The following HEPACAM2 variants were observed in gnomAD, a reference collection of about 807,000 sequenced individuals.
The protein encoded by HEPACAM2 is HEPACAM family member 2.
HEPACAM2 carries 49 observed loss-of-function variants against 49.6 expected under a neutral mutation model. The observed-to-expected ratio is 0.99, with a 90% confidence interval of 0.78 to 1.25. The LOEUF (loss-of-function observed/expected upper bound fraction) is 1.25. HEPACAM2 is among the 50% of genes most tolerant of loss of function. HEPACAM2 has a pLI of 0.00. For synonymous variants in HEPACAM2, 197 were observed against 202.9 expected (o/e 0.97, Z 0.25); for missense variants, 525 against 557.2 (o/e 0.94, Z 0.58).
chr7:93,216,543 A>G (rs1794311768), intron 2 of HEPACAM2, among the ~76,000 whole-genome samples: 1 of 152,238 alleles, frequency 6.6e-6, no homozygotes, highest in Admixed American at 6.5e-5. Context: ...AAGTTGATGG[A>G]TTATATAAGC....
intron 2 of HEPACAM2, 59 bp downstream of exon 2, chr7:93,219,042 T>C (rs1794382954): frequency 6.8e-7 from 1 of 1,477,928 alleles, no homozygotes. Context: ...TTTAGTCTCC[T>C]GAGCCTTTGC....
chr7:93,208,333 T>C (rs1286354466), intron 4 of HEPACAM2, among the ~76,000 whole-genome samples: 1 of 152,052 alleles, frequency 6.6e-6, no homozygotes, highest in Non-Finnish European at 1.5e-5. Context: ...TAGAAGTAAT[T>C]TGTGGAATTC....
intron 3 of HEPACAM2, among the ~76,000 whole-genome samples, chr7:93,210,899 G>T (rs1054817618): frequency 2.6e-5 from 4 of 151,914 alleles, no homozygotes; most frequent in East Asian, 1.9e-4. Context: ...CAGGTTAGAG[G>T]ACTGATTGCC....
chr7:93,229,883 A>G (rs1420179472), upstream of HEPACAM2, among the ~76,000 whole-genome samples: 3 of 152,226 alleles, frequency 2.0e-5, no homozygotes, highest in African/African-American at 7.2e-5. Flanking sequence ...ACAGATAGAA[A>G]TGAATAACGT....
intron 1 of HEPACAM2, among the ~76,000 whole-genome samples, chr7:93,220,927 A>G (rs1794437005): frequency 6.6e-6 from 1 of 152,214 alleles, no homozygotes; most frequent in African/African-American, 2.4e-5. Context: ...TGATACCTAC[A>G]TCATAGGAAC....
In HEPACAM2 at chr7:93,197,521, G is replaced by T; in HGVS notation, c.1102C>A (p.Leu368Ile). 1 of 1,593,150 alleles carries T rather than the reference G, an allele frequency of 6.3e-7. No homozygotes were observed. The highest frequency in any genetic ancestry group is 2.2e-5 in the East Asian group (1 of 44,514). ...TGATATTTTTTCCATAGGAAGAGAA[G>T]ACACATGGATATAATCAAAAATAGT... ...ISLFLIISMC[L>I]LFLWKKYQPY... The change falls in exon 5 of 10, where the codon CTT (leucine) becomes ATT (isoleucine). Residue 368 changes from leucine to isoleucine, a missense_variant. Coordinates refer to ENST00000394468, the MANE Select transcript of HEPACAM2 (RefSeq NM_001039372.4).
chr7:93,209,274 A>T (rs911386437), intron 3 of HEPACAM2, among the ~76,000 whole-genome samples: 2 of 151,770 alleles, frequency 1.3e-5, no homozygotes, highest in Non-Finnish European at 2.9e-5. Context: ...ATGCTGATTT[A>T]TTTTATTATT....
intron 1 of HEPACAM2, among the ~76,000 whole-genome samples, chr7:93,221,804 C>A (rs1029167222): frequency 1.3e-5 from 2 of 152,050 alleles, no homozygotes; most frequent in Admixed American, 6.6e-5. Flanking sequence ...TGATTAACTT[C>A]TAAGAATTTT....
At chr7:93,202,258 T>C (rs1307415641) in intron 4 of HEPACAM2, among the ~76,000 whole-genome samples, 1 of 150,654 alleles carries the variant, frequency 6.6e-6, no homozygotes, top group African/African-American at 2.4e-5. Context: ...CAATTAAATA[T>C]ATATTAAATA....
At chr7:93,203,244 T>TCAACA (rs1430147815) in intron 4 of HEPACAM2, among the ~76,000 whole-genome samples, 3 of 152,142 alleles carry the variant, frequency 2.0e-5, no homozygotes, top group Non-Finnish European at 4.4e-5. Flanking sequence ...CTCTCTGCTC[T>TCAACA]CAACACTGCT....
chr7:93,211,919 A>G (rs1163398424), intron 3 of HEPACAM2, among the ~76,000 whole-genome samples: 4 of 152,062 alleles, frequency 2.6e-5, no homozygotes, highest in African/African-American at 4.8e-5. Flanking sequence ...TTTTCAGGGT[A>G]TAGAGAATGG....
At chr7:93,192,420 C>A in intron 8 of HEPACAM2, 57 bp from the exon 9 acceptor site, 5 of 1,260,266 alleles carry the variant, frequency 4.0e-6, no homozygotes, top group Non-Finnish European at 5.7e-6. Context: ...ATAGTTTTTC[C>A]ACTATGTTGC....
Position 93,197,553 on chromosome 7 carries a change from C to A in HEPACAM2, c.1070G>T (p.Gly357Val), listed in dbSNP as rs746063573. The A allele has an allele frequency of 3.1e-6, 5 of 1,595,910 alleles. No homozygotes were observed. The highest frequency in any genetic ancestry group is 1.7e-5 in the Admixed American group (1 of 58,990). The change falls in exon 5 of 10, where the codon GGA becomes GTA. Residue 357 changes from glycine to valine, a missense_variant. Physicochemically the swap from Gly to Val is moderately radical, Grantham distance 109. Transcript: ENST00000394468. ...KSLSPLASIT[G>V]ISLFLIISMC... ...GGATATAATCAAAAATAGTGATATT[C>A]CAGTTATACTTGCTAAAGGTGACAA...
chr7:93,204,331 TATC>T (rs942339115), intron 4 of HEPACAM2, among the ~76,000 whole-genome samples: 2 of 115,110 alleles, frequency 1.7e-5, no homozygotes, highest in Non-Finnish European at 3.9e-5. Flanking sequence ...ATTCTCTATC[TATC>T]TATCTATCTA....
At chr7:93,232,265 G>T in the HEPACAM2 span, 3 of 550,372 alleles carry the variant, frequency 5.5e-6, no homozygotes, top group Non-Finnish European at 9.8e-6. Flanking sequence ...TAGTCCCTGG[G>T]TTGGCCACTT....
chr7:93,229,080 C>G (rs888388204), upstream of HEPACAM2, among the ~76,000 whole-genome samples: 1 of 152,102 alleles, frequency 6.6e-6, no homozygotes, highest in Non-Finnish European at 1.5e-5. Context: ...GTGGCAGAAA[C>G]AATTAAGGAG....
At chr7:93,195,039 T>A (rs1443881765) in intron 8 of HEPACAM2, among the ~76,000 whole-genome samples, 1 of 151,696 alleles carries the variant, frequency 6.6e-6, no homozygotes, top group Non-Finnish European at 1.5e-5. Context: ...TGGGCCTATA[T>A]GGTAACTTCC....
chr7:93,229,815 T>C (rs1206716508), upstream of HEPACAM2, among the ~76,000 whole-genome samples: 1 of 152,230 alleles, frequency 6.6e-6, no homozygotes, highest in East Asian at 1.9e-4. Context: ...TAGCAGCATG[T>C]CCAACCTTTT....
upstream of HEPACAM2, among the ~76,000 whole-genome samples, chr7:93,228,555 C>T (rs183370561): frequency 8.4e-6 from 1 of 118,596 alleles, no homozygotes; most frequent in Admixed American, 8.1e-5. Flanking sequence ...TTACATGATT[C>T]TTAAAAATAG....
Sources: allele counts gnomAD v4.1 joint callset (sites outside exome capture counted in the v4.1 genomes callset), GRCh38; gene constraint gnomAD v4.1.1; transcripts MANE v1.5; gene names NCBI Gene and HGNC (gene_info 2026-07-23, HGNC 2026-07-21).